Variants in NRAP observed in about 807,000 individuals in gnomAD.
The protein encoded by NRAP is nebulin related anchoring protein.
NRAP carries 189 observed loss-of-function variants against 225.9 expected under a neutral mutation model. The observed-to-expected ratio is 0.84, with a 90% CI of 0.74 to 0.94. NRAP has a LOEUF of 0.94. NRAP is among the 40% of genes least tolerant of loss of function. The probability of loss-of-function intolerance (pLI) is 0.00; values close to 1 mark genes in which losing one functional copy is unlikely to be tolerated. For synonymous variants in NRAP, 769 were observed against 790.7 expected (o/e 0.97, Z 0.46); for missense variants, 2,176 against 2,168.7 (o/e 1.00, Z -0.07).
Position 113,592,316 on chromosome 10 carries a change from C to A in NRAP, c.4537-15G>T. On this transcript the variant is annotated splice_polypyrimidine_tract_variant and intron_variant, in intron 38 of 41. Coordinates refer to ENST00000359988, the MANE Select transcript of NRAP (RefSeq NM_198060.4). ...CTGTAGACTTTCTAGATTGGAAAAA[C>A]AAAAGCATGAGTAAGCAGGCAGTCA... is the stretch of plus-strand genomic sequence containing the variant. 1 of 1,561,694 alleles carries A rather than the reference C, an allele frequency of 6.4e-7. No individual in the cohort carries two copies. Among genetic ancestry groups the A allele is most frequent in the Non-Finnish European group, 8.8e-7 (1 of 1,134,220 alleles).
chr10:113,604,829 C>T lies in NRAP; in HGVS notation c.4007G>A (p.Arg1336His), dbSNP rs777326610. Reference sequence around the variant, plus strand: ...AAGCTCGCTCTGCAGCTGGCCCATGCGCCGGCAGTGCTGGATCCGGGGGTC... The same window carrying T: ...AAGCTCGCTCTGCAGCTGGCCCATGTGCCGGCAGTGCTGGATCCGGGGGTC... ...RDDPRIQHCR[R>H]MGQLQSELQY... The change falls in exon 35 of 42, where the codon CGC becomes CAC. Residue 1336 changes from arginine (R) to histidine (H), a missense_variant. This residue lies in a region of NRAP where 1,708 missense variants were observed against 1,695.5 expected (regional missense o/e 1.01). Transcript: ENST00000359988. The T allele has an allele frequency of 2.0e-5, 33 of 1,614,056 alleles. No homozygotes were observed. The South Asian group carries it at 2.7e-4, about 13-fold the overall frequency.
rs201084642 is a variant in NRAP, at chr10:113,595,655, G to A, written c.4504C>T (p.Arg1502Ter). Residue 1502 changes from arginine to a stop codon, truncating the protein, a stop_gained, in exon 38 of 42, where the codon CGA becomes TGA. Transcript: ENST00000359988. LOFTEE classifies it high-confidence loss of function. Reference protein sequence around the residue: ...TLIPDHPDFTRARLNALHLSD... With the variant: ...TLIPDHPDFT ...AGATGCAGCGCATTGAGGCGAGCTC[G>A]GGTGAAATCGGGATGGTCGGGGATC... 1.8e-4 allele frequency: 289 copies of A among 1,613,488 alleles called. No homozygotes were observed. Among genetic ancestry groups the A allele is most frequent in the Non-Finnish European group, 1.8e-4 (214 of 1,179,510 alleles).
intron 3 of NRAP, among the ~76,000 whole-genome samples, chr10:113,658,455 A>G (rs1389612316): frequency 2.0e-5 from 3 of 152,232 alleles, no homozygotes; most frequent in African/African-American, 7.2e-5. Flanking sequence ...TCTCAGTAAC[A>G]TCTTCATAAC....
intron 37 of NRAP, 90 bp downstream of exon 37, chr10:113,596,996 C>A: frequency 1.2e-6 from 1 of 830,928 alleles, no homozygotes; most frequent in Non-Finnish European, 2.1e-6. Context: ...TTTGCACCCC[C>A]ATCTGTCCAG....
chr10:113,598,789 T>G (rs1223532334), intron 35 of NRAP, among the ~76,000 whole-genome samples: 1 of 152,224 alleles, frequency 6.6e-6, no homozygotes, highest in Non-Finnish European at 1.5e-5. Flanking sequence ...CCACTGTTAC[T>G]CATTATGATT....
Position 113,650,447 on chromosome 10 carries a change from C to CA in NRAP, c.773dup (p.Ala259GlyfsTer3). 6.2e-7 allele frequency: 1 copy of CA among 1,611,468 alleles called. No individual in the cohort carries two copies. The stretch of plus-strand genomic sequence containing the variant: ...TGTCAAGGACACTTACATCACTTGC[C>CA]AGCTCATTGGCTCTTTTGGCTATCT... On this transcript the variant is annotated frameshift_variant, in exon 8 of 42. Transcript: ENST00000359988. LOFTEE classifies it high-confidence loss of function.
At chr10:113,635,954 C>T (rs1299637496) in intron 14 of NRAP, among the ~76,000 whole-genome samples, 1 of 152,188 alleles carries the variant, frequency 6.6e-6, no homozygotes, top group Non-Finnish European at 1.5e-5. Flanking sequence ...GTCCTCACTC[C>T]CAGGATCCCA....
At chr10:113,634,457 A>T (rs1008366503) in intron 14 of NRAP, among the ~76,000 whole-genome samples, 6 of 152,204 alleles carry the variant, frequency 3.9e-5, no homozygotes, top group Admixed American at 2.0e-4. Context: ...ATACAGAAAG[A>T]TGCTCAGCCA....
intron 38 of NRAP, among the ~76,000 whole-genome samples, chr10:113,594,747 T>C (rs939221162): frequency 2.0e-5 from 3 of 152,186 alleles, no homozygotes; most frequent in Admixed American, 2.0e-4. Flanking sequence ...CGCAACAAAC[T>C]AATACACACG....
chr10:113,604,915 G>T lies in NRAP; in HGVS notation c.3921C>A (p.Leu1307=). ...GCTCCTTCACAAAGTCATGTCTGTA[G>T]AGAAACTGCAAGAAAGGGCTGGCCG... is the stretch of plus-strand genomic sequence containing the variant. ...RASGDIASDF[L]YRHDFVKERG... Residue 1307 remains leucine (L), a synonymous_variant, in exon 35 of 42, where the codon CTC becomes CTA. Transcript: ENST00000359988. The T allele has an allele frequency of 6.2e-7, 1 of 1,609,740 alleles. No homozygotes were observed. Among genetic ancestry groups the T allele is most frequent in the Non-Finnish European group, 8.5e-7 (1 of 1,176,684 alleles).
At chr10:113,628,639 A>G (rs566066748) in intron 20 of NRAP, among the ~76,000 whole-genome samples, 9 of 152,344 alleles carry the variant, frequency 5.9e-5, no homozygotes, top group Admixed American at 5.9e-4. Context: ...CTGTTTTCCC[A>G]GGTGCTGTAT....
chr10:113,642,793 C>T, intron 12 of NRAP, 141 bp downstream of exon 12: 1 of 608,744 alleles, frequency 1.6e-6, no homozygotes, highest in East Asian at 2.8e-5. Flanking sequence ...GCAACCTTAA[C>T]CAAAACCCAG....
At chr10:113,599,980 G>A (rs1846500966) in intron 35 of NRAP, among the ~76,000 whole-genome samples, 1 of 152,204 alleles carries the variant, frequency 6.6e-6, no homozygotes, top group African/African-American at 2.4e-5. Context: ...CAGTCCCTGA[G>A]TTCTAATGCA....
chr10:113,623,771 A>T, intron 22 of NRAP, 135 bp from the exon 23 acceptor site: 1 of 638,814 alleles, frequency 1.6e-6, no homozygotes, highest in Admixed American at 2.3e-5. Flanking sequence ...GAGCCACAGA[A>T]ATCATGTAGT....
intron 30 of NRAP, among the ~76,000 whole-genome samples, chr10:113,611,947 A>C (rs1277763009): frequency 6.6e-6 from 1 of 152,244 alleles, no homozygotes; most frequent in East Asian, 1.9e-4. Flanking sequence ...ATTTCACTGT[A>C]ATTTCTCTGT....
In NRAP at chr10:113,590,686, C is replaced by T; in HGVS notation, c.4848G>A (p.Gln1616=). 1.2e-6 allele frequency: 2 copies of T among 1,614,214 alleles called. No homozygotes were observed. The highest frequency in any genetic ancestry group is 1.7e-6 in the Non-Finnish European group (2 of 1,180,042). The change falls in exon 40 of 42, where the codon CAG becomes CAA. Residue 1616 remains glutamine (Q), a synonymous_variant. Transcript: ENST00000359988. ...QPGLLQAKRS[Q]QLASDVHYRQ... ...TGTAGTGCACATCACTGGCCAGCTG[C>T]TGGCTCCTCTTGGCCTGAAGGAGGC... is the stretch of plus-strand genomic sequence containing the variant.
intron 14 of NRAP, among the ~76,000 whole-genome samples, chr10:113,635,542 C>T (rs1352288417): frequency 6.6e-6 from 1 of 152,240 alleles, no homozygotes; most frequent in African/African-American, 2.4e-5. Flanking sequence ...ATTCTCGCGC[C>T]TCAGCCTCCC....
intron 20 of NRAP, 45 bp from the exon 21 acceptor site, chr10:113,626,190 C>T: frequency 1.5e-6 from 2 of 1,309,586 alleles, no homozygotes; most frequent in Non-Finnish European, 2.1e-6. Context: ...GATTGGGTTG[C>T]CCCTACCACC....
rs771861821 is a variant in NRAP at position 113,657,562 on chromosome 10, C to T, written c.268G>A (p.Glu90Lys). 1.9e-6 allele frequency: 3 copies of T among 1,571,722 alleles called. No homozygotes were observed. Among genetic ancestry groups the T allele is most frequent in the Admixed American group, 3.3e-5 (2 of 59,902 alleles). Reference sequence around the variant, plus strand: ...ACTGATTTACACTGTTCACCATCTTCTTGGTCATGGATCTGCTCAAGGAAG... The same window carrying T: ...ACTGATTTACACTGTTCACCATCTTTTTGGTCATGGATCTGCTCAAGGAAG... ...PEAISGIHDQ[E>K]DGEQCKSVFH... Residue 90 changes from glutamate to lysine, a missense_variant, in exon 4 of 42, where the codon GAA (glutamate) becomes AAA (lysine). Coordinates refer to ENST00000359988, the MANE Select transcript of NRAP (RefSeq NM_198060.4).
Sources: allele counts gnomAD v4.1 joint callset (sites outside exome capture counted in the v4.1 genomes callset), GRCh38; gene constraint gnomAD v4.1.1; regional missense constraint gnomAD v4.1.1; transcripts MANE v1.5; gene names NCBI Gene and HGNC (gene_info 2026-07-23, HGNC 2026-07-21).